Variants in DRC11 observed in about 807,000 individuals in gnomAD.
DRC11 encodes dynein regulatory complex subunit 11.
chr2:236,458,999 C>T, the DRC11 span, among the ~76,000 whole-genome samples: 47 of 152,160 alleles, frequency 3.1e-4, no homozygotes, highest in African/African-American at 9.4e-4. Context: ...CAGCCGAGAT[C>T]GCACCGTCGC....
At chr2:236,307,361 G>C in the DRC11 span, among the ~76,000 whole-genome samples, 2 of 152,214 alleles carry the variant, frequency 1.3e-5, no homozygotes, top group Admixed American at 6.5e-5. The surrounding 1 kb of genome is among the most constrained non-coding windows in gnomAD (Gnocchi z 7.0). Context: ...ACCATTCAAA[G>C]GAGAGGGGAG....
chr2:236,372,694 T>C, the DRC11 span, among the ~76,000 whole-genome samples: 31,603 of 152,104 alleles, frequency 0.21, 3,584 homozygotes, highest in Non-Finnish European at 0.23. This position sits in a 1 kb window ranked among gnomAD's most constrained non-coding sequence, Gnocchi z 4.5. Context: ...ACTGCAACCT[T>C]GAATTCCTAG....
At chr2:236,495,987 G>C in the DRC11 span, among the ~76,000 whole-genome samples, 2 of 152,122 alleles carry the variant, frequency 1.3e-5, no homozygotes, top group African/African-American at 4.8e-5. This position sits in a 1 kb window ranked among gnomAD's most constrained non-coding sequence, Gnocchi z 5.6. Context: ...GCCACATAGA[G>C]CCCCAAATGC....
At chr2:236,493,257 C>T in the DRC11 span, among the ~76,000 whole-genome samples, 3 of 152,156 alleles carry the variant, frequency 2.0e-5, no homozygotes, top group Admixed American at 1.3e-4. Flanking sequence ...TCAATTACCT[C>T]CCACCAGGTT....
At chr2:236,507,351 C>T in the DRC11 span, 1 of 1,436,118 alleles carries the variant, frequency 7.0e-7, no homozygotes, top group South Asian at 1.1e-5. Flanking sequence ...GGGGTCAGGG[C>T]ACTACCAGGA....
chr2:236,359,035 G>C, the DRC11 span, among the ~76,000 whole-genome samples: 3 of 151,712 alleles, frequency 2.0e-5, no homozygotes, highest in South Asian at 2.1e-4. The surrounding 1 kb of genome is among the most constrained non-coding windows in gnomAD (Gnocchi z 4.3). Context: ...CAGTGAGAAT[G>C]GCCCCCGCCC....
At chr2:236,450,344 G>A in the DRC11 span, among the ~76,000 whole-genome samples, 1 of 134,404 alleles carries the variant, frequency 7.4e-6, no homozygotes, top group African/African-American at 2.8e-5. Flanking sequence ...TTTTGAGACG[G>A]GGTCTCGCTC....
At chr2:236,450,857 T>C in the DRC11 span, among the ~76,000 whole-genome samples, 27 of 152,340 alleles carry the variant, frequency 1.8e-4, no homozygotes, top group East Asian at 5.0e-3. Flanking sequence ...GTGCCATTTG[T>C]CCTTCCTTAT....
the DRC11 span, among the ~76,000 whole-genome samples, chr2:236,333,975 G>A: frequency 1.3e-5 from 2 of 152,188 alleles, no homozygotes; most frequent in Admixed American, 1.3e-4. The surrounding 1 kb of genome is among the most constrained non-coding windows in gnomAD (Gnocchi z 6.0). Flanking sequence ...CATTTAAAGT[G>A]TAGGATACTT....
the DRC11 span, chr2:236,367,906 ATTGCAGGTACTTGC>A: frequency 2.4e-6 from 1 of 421,886 alleles, no homozygotes; most frequent in Non-Finnish European, 4.4e-6. This position sits in a 1 kb window ranked among gnomAD's most constrained non-coding sequence, Gnocchi z 4.8. Context: ...ATTAATCGTA[ATTGCAGGTACTTGC>A]TTTGCCTATT....
chr2:236,438,418 C>T, the DRC11 span, among the ~76,000 whole-genome samples: 18 of 147,818 alleles, frequency 1.2e-4, 1 homozygote, highest in African/African-American at 4.1e-4. Flanking sequence ...ATTGACTTGG[C>T]GATGTGGGCT....
At chr2:236,329,676 G>A in the DRC11 span, among the ~76,000 whole-genome samples, 1 of 152,196 alleles carries the variant, frequency 6.6e-6, no homozygotes, top group Non-Finnish European at 1.5e-5. Flanking sequence ...TTTAATGAAT[G>A]TGTCCCTAAA....
the DRC11 span, among the ~76,000 whole-genome samples, chr2:236,476,514 C>G: frequency 6.6e-6 from 1 of 152,098 alleles, no homozygotes; most frequent in Non-Finnish European, 1.5e-5. This position sits in a 1 kb window ranked among gnomAD's most constrained non-coding sequence, Gnocchi z 4.7. Flanking sequence ...GCAAAAAAGG[C>G]TAATTTGACT....
the DRC11 span, among the ~76,000 whole-genome samples, chr2:236,491,233 A>AAAG: frequency 1.4e-5 from 1 of 69,386 alleles, no homozygotes; most frequent in Non-Finnish European, 3.0e-5. Flanking sequence ...ATATATATAT[A>AAAG]TATATATACA....
the DRC11 span, among the ~76,000 whole-genome samples, chr2:236,307,724 G>A: frequency 6.6e-6 from 1 of 152,152 alleles, no homozygotes; most frequent in African/African-American, 2.4e-5. The surrounding 1 kb of genome is among the most constrained non-coding windows in gnomAD (Gnocchi z 7.0). Flanking sequence ...TCATCCCACC[G>A]GTGTTGAGGG....
At chr2:236,479,683 A>G in the DRC11 span, among the ~76,000 whole-genome samples, 14 of 152,140 alleles carry the variant, frequency 9.2e-5, no homozygotes, top group Non-Finnish European at 1.6e-4. This position sits in a 1 kb window ranked among gnomAD's most constrained non-coding sequence, Gnocchi z 4.1. Flanking sequence ...ATCTTTTTAT[A>G]TTACTTGTCT....
chr2:236,414,277 T>C, the DRC11 span, among the ~76,000 whole-genome samples: 1 of 152,152 alleles, frequency 6.6e-6, no homozygotes, highest in Non-Finnish European at 1.5e-5. Flanking sequence ...CTGCTTCTGG[T>C]GTCCAGTCTA....
the DRC11 span, among the ~76,000 whole-genome samples, chr2:236,495,859 C>G: frequency 6.6e-6 from 1 of 152,144 alleles, no homozygotes; most frequent in Non-Finnish European, 1.5e-5. The surrounding 1 kb of genome is among the most constrained non-coding windows in gnomAD (Gnocchi z 5.6). Context: ...TGTCACTGCT[C>G]TTGGTGCTTG....
chr2:236,355,767 T>G, the DRC11 span, among the ~76,000 whole-genome samples: 1 of 150,608 alleles, frequency 6.6e-6, no homozygotes, highest in South Asian at 2.1e-4. Flanking sequence ...GTGTGTGTGT[T>G]TTAAATCAAC....
Sources: gnomAD v4.1 joint callset for allele counts (sites outside exome capture counted in the v4.1 genomes callset) on GRCh38, gnomAD v4.1.1 for gene constraint, Gnocchi (gnomAD v3.1) non-coding constraint, MANE v1.5 for transcripts, NCBI Gene and HGNC (gene_info 2026-07-23, HGNC 2026-07-21) for gene names.